The following FREM2 variants were observed in gnomAD, a reference collection of about 807,000 sequenced individuals.
FREM2 encodes FRAS1-related extracellular matrix protein 2.
FREM2 carries 119 observed loss-of-function variants against 219.9 expected under a neutral mutation model. That is an observed-to-expected ratio of 0.54 (90% CI 0.47 to 0.63). The LOEUF (loss-of-function observed/expected upper bound fraction) is 0.63, where lower values mean the gene tolerates loss of function less well. Among genes scored for constraint, FREM2 ranks in the 30% least tolerant of loss-of-function variants. The probability of loss-of-function intolerance (pLI) is 0.00; values close to 1 mark genes in which losing one functional copy is unlikely to be tolerated. For synonymous variants in FREM2, 1,562 were observed against 1,522.8 expected, an observed-to-expected ratio of 1.03 and a Z score of -0.60; for missense variants, 4,030 against 3,993.6, an observed-to-expected ratio of 1.01 and a Z score of -0.25.
intron 6 of FREM2, among the ~76,000 whole-genome samples, chr13:38,834,319 T>G (rs1053919779): frequency 6.6e-6 from 1 of 152,208 alleles, no homozygotes; most frequent in East Asian, 1.9e-4. Context: ...ATTTCCAGCT[T>G]CATCCATGTC....
chr13:38,828,736 A>T (rs1012190237), intron 6 of FREM2, among the ~76,000 whole-genome samples: 10 of 151,878 alleles, frequency 6.6e-5, no homozygotes, highest in Non-Finnish European at 1.2e-4. Context: ...AAATTAATTT[A>T]AAAAAAATTT....
intron 2 of FREM2, among the ~76,000 whole-genome samples, chr13:38,737,566 T>C (rs974192658): frequency 1.3e-5 from 2 of 152,238 alleles, no homozygotes; most frequent in Non-Finnish European, 2.9e-5. Context: ...AAGTGACTGT[T>C]AAGAATGTTA....
chr13:38,844,957 T>C (rs1479485900), intron 6 of FREM2, among the ~76,000 whole-genome samples: 1 of 152,216 alleles, frequency 6.6e-6, no homozygotes, highest in East Asian at 1.9e-4. Flanking sequence ...AGGTTGGCTT[T>C]GACTGAGGTT....
rs886050189 is a variant in FREM2, at chr13:38,691,471, A to G, written c.4127A>G (p.Asp1376Gly). ...ATGAATTTTACCCAGGATGAAGTAG[A>G]CAGAAACTTAATTCAGTATGTCCAT... The part of the protein sequence containing the change: ...LGMNFTQDEV[D>G]RNLIQYVHLG... The change falls in exon 1 of 24, where the codon GAC becomes GGC. Residue 1376 changes from aspartate (D) to glycine (G), a missense_variant. By Grantham distance (94) the Asp-to-Gly change is moderately conservative. Coordinates refer to ENST00000280481, the MANE Select transcript of FREM2 (RefSeq NM_207361.6). 2.2e-5 allele frequency: 35 copies of G among 1,614,062 alleles called. No homozygotes were observed. The highest frequency in any genetic ancestry group is 2.5e-5 in the Non-Finnish European group (30 of 1,180,028).
At chr13:38,853,317 GAAA>G (rs776640338) in intron 11 of FREM2, among the ~76,000 whole-genome samples, 2 of 56,890 alleles carry the variant, frequency 3.5e-5, no homozygotes, top group African/African-American at 1.2e-4. Flanking sequence ...AACTCCGTCT[GAAA>G]AAAAAAAAAA....
chr13:38,723,158 C>G (rs1372428348), intron 2 of FREM2, among the ~76,000 whole-genome samples: 1 of 152,004 alleles, frequency 6.6e-6, no homozygotes, highest in Non-Finnish European at 1.5e-5. Flanking sequence ...TCACTTGAAC[C>G]TGGGAGGTGG....
intron 6 of FREM2, among the ~76,000 whole-genome samples, chr13:38,804,447 T>A (rs931050310): frequency 6.6e-6 from 1 of 152,032 alleles, no homozygotes; most frequent in Admixed American, 6.6e-5. Flanking sequence ...AAAAACTACA[T>A]GCATGTAGCA....
chr13:38,859,351 A>G lies in FREM2; in HGVS notation c.7280A>G (p.Asn2427Ser), dbSNP rs1234234681. The change falls in exon 14 of 24, where the codon AAT becomes AGT. Residue 2427 changes from asparagine to serine, a missense_variant. By Grantham distance (46) the Asn-to-Ser change is conservative. Around this residue, in one of 2 missense-constraint regions of FREM2, gnomAD observed 928 missense variants for 1,042.9 expected, o/e 0.89. Coordinates refer to ENST00000280481, the MANE Select transcript of FREM2 (RefSeq NM_207361.6). ...TGSICASENINDTLTRYRWLI... is the reference protein window; with the variant it reads ...TGSICASENISDTLTRYRWLI... ...TCTATCTGTGCAAGTGAGAACATCA[A>G]TGACACTTTGACGCGGTACCGGTGG... The G allele has an allele frequency of 3.7e-6, 6 of 1,614,204 alleles. No individual in the cohort carries two copies. Among genetic ancestry groups the G allele is most frequent in the Admixed American group, 1.7e-5 (1 of 60,028 alleles).
At chr13:38,843,237 A>G (rs1331164379) in intron 6 of FREM2, among the ~76,000 whole-genome samples, 1 of 151,812 alleles carries the variant, frequency 6.6e-6, no homozygotes, top group Admixed American at 6.6e-5. Context: ...TCTAAGTAAT[A>G]ATATCCTCCA....
At chr13:38,810,889 GTTC>G (rs1017332135) in intron 6 of FREM2, among the ~76,000 whole-genome samples, 2 of 151,936 alleles carry the variant, frequency 1.3e-5, no homozygotes, top group Non-Finnish European at 2.9e-5. Context: ...ATTAGTATTA[GTTC>G]TTCTGTAAAT....
At chr13:38,697,669 A>C in intron 1 of FREM2, 29 bp from the exon 2 acceptor site, 1 of 1,247,844 alleles carries the variant, frequency 8.0e-7, no homozygotes, top group African/African-American at 1.5e-5. Context: ...TCTGGTAATT[A>C]ATCATCTTGT....
In FREM2 at chr13:38,881,708, A is replaced by T. The variant is rs1455063055; in HGVS notation, c.*921A>T. The T allele has an allele frequency of 6.6e-6, 1 of 152,602 alleles. No homozygotes were observed. Among genetic ancestry groups the T allele is most frequent in the Non-Finnish European group, 1.5e-5 (1 of 68,038 alleles). The allele number at this position is 152,602 out of a possible 1,614,324, so 9.5% of individuals were successfully genotyped here. A position where few individuals can be genotyped will look rare whatever the true frequency, so the allele number is the denominator to read the frequency against. The stretch of plus-strand genomic sequence containing the variant: ...TTGAACCCATAAATGATAATAAGAA[A>T]CATTGTTACAGATGGTGAAGGGAGA... On this transcript the variant is annotated 3_prime_UTR_variant, in exon 24 of 24. Coordinates refer to ENST00000280481, the MANE Select transcript of FREM2 (RefSeq NM_207361.6).
chr13:38,691,901 T>C lies in FREM2; in HGVS notation c.4557T>C (p.Phe1519=), dbSNP rs756141912. ...TCACCGATGGACGTAACCCTGTCTT[T>C]CGGACATTCCGTATCTCCATTAGCG... The part of the protein sequence containing the change: ...FQVTDGRNPV[F]RTFRISISDV... The change falls in exon 1 of 24, where the codon TTT becomes TTC. Residue 1519 remains phenylalanine, a synonymous_variant. Coordinates refer to ENST00000280481, the MANE Select transcript of FREM2 (RefSeq NM_207361.6). 1 of 1,614,168 alleles carries C rather than the reference T, an allele frequency of 6.2e-7. No individual in the cohort carries two copies.
At chr13:38,821,308 T>G (rs1334312974) in intron 6 of FREM2, among the ~76,000 whole-genome samples, 3 of 152,140 alleles carry the variant, frequency 2.0e-5, no homozygotes, top group Non-Finnish European at 2.9e-5. Context: ...TTAAATTATG[T>G]AGAGAACCTT....
chr13:38,743,461 T>C (rs1025451189), intron 2 of FREM2, among the ~76,000 whole-genome samples: 4 of 151,918 alleles, frequency 2.6e-5, no homozygotes, highest in South Asian at 2.1e-4. Context: ...GAATAGAGAG[T>C]TTCCCAAAAG....
chr13:38,739,640 C>G (rs1872155436), intron 2 of FREM2, among the ~76,000 whole-genome samples: 2 of 152,120 alleles, frequency 1.3e-5, no homozygotes, highest in African/African-American at 4.8e-5. Context: ...TCAACTCTTC[C>G]TTTTTCACTG....
intron 2 of FREM2, among the ~76,000 whole-genome samples, chr13:38,760,334 G>A (rs1236055043): frequency 6.6e-6 from 1 of 152,196 alleles, no homozygotes; most frequent in East Asian, 1.9e-4. Context: ...GTTCAGCTAT[G>A]TGTCATTCGA....
intron 6 of FREM2, among the ~76,000 whole-genome samples, chr13:38,793,117 A>G (rs528810403): frequency 6.6e-5 from 10 of 152,342 alleles, no homozygotes; most frequent in Non-Finnish European, 1.3e-4. Context: ...TATATCACTC[A>G]TTCATTCAAA....
intron 2 of FREM2, among the ~76,000 whole-genome samples, chr13:38,749,380 A>G (rs1872624210): frequency 6.6e-6 from 1 of 152,238 alleles, no homozygotes; most frequent in African/African-American, 2.4e-5. Flanking sequence ...TATTTATGTA[A>G]GAAGAGGAGG....
Sources: gnomAD v4.1 joint callset for allele counts (sites outside exome capture counted in the v4.1 genomes callset) on GRCh38, gnomAD v4.1.1 for gene constraint, gnomAD v4.1.1 regional missense constraint, MANE v1.5 for transcripts, NCBI Gene and HGNC (gene_info 2026-07-23, HGNC 2026-07-21) for gene names.